L3MBTL3: variants seen among roughly 807,000 people sequenced by gnomAD.
The protein encoded by L3MBTL3 is lethal(3)malignant brain tumor-like protein 3.
Under a neutral mutation model 102.3 loss-of-function variants are expected in L3MBTL3, and 27 were observed. The ratio of observed to expected loss-of-function variants is 0.26; its 90% CI spans 0.19 to 0.36. The LOEUF is 0.36. Ranked by LOEUF, L3MBTL3 falls within the 10% of genes least tolerant of loss-of-function variation. The probability of loss-of-function intolerance (pLI) is 1.00; values close to 1 mark genes in which losing one functional copy is unlikely to be tolerated. For missense variants in L3MBTL3, 798 were observed against 955.3 expected (o/e 0.84, Z 2.17); for synonymous variants, 340 against 320.9 (o/e 1.06, Z -0.64).
chr6:130,023,527 A>G (rs180778708), intron 2 of L3MBTL3, among the ~76,000 whole-genome samples: 7 of 152,308 alleles, frequency 4.6e-5, no homozygotes, highest in Middle Eastern at 3.4e-3. Flanking sequence ...TGTGGATAGA[A>G]TGCTAGAATA....
At chr6:130,094,139 T>A in intron 17 of L3MBTL3, 126 bp from the exon 18 acceptor site, 1 of 558,964 alleles carries the variant, frequency 1.8e-6, no homozygotes, top group East Asian at 2.9e-5. Flanking sequence ...TCTGTTTATG[T>A]ATGTTGGTTA....
intron 19 of L3MBTL3, among the ~76,000 whole-genome samples, chr6:130,108,961 G>C (rs1167589463): frequency 6.6e-6 from 1 of 151,992 alleles, no homozygotes; most frequent in Non-Finnish European, 1.5e-5. Flanking sequence ...GTGGTGTTTG[G>C]TTTTCTGTTC....
At position 130,133,430 on chromosome 6, in the gene L3MBTL3, C is replaced by A; in HGVS notation, c.1967-22C>A. ...TCTTGCTGCTTTCAGAGAGTGATTT[C>A]CCATTTGTTTTCATTGACCAGGTGC... is the stretch of plus-strand genomic sequence containing the variant. On this transcript the variant is annotated intron_variant, in intron 20 of 22. Transcript: ENST00000361794. The surrounding 1 kb of genome is among the most constrained non-coding windows in gnomAD (Gnocchi z 4.9). 6.2e-7 allele frequency: 1 copy of A among 1,610,660 alleles called. No homozygotes were observed. Among genetic ancestry groups the A allele is most frequent in the Non-Finnish European group, 8.5e-7 (1 of 1,178,014 alleles).
At chr6:130,136,854 G>C (rs1293867200) in intron 22 of L3MBTL3, among the ~76,000 whole-genome samples, 1 of 152,140 alleles carries the variant, frequency 6.6e-6, no homozygotes, top group Non-Finnish European at 1.5e-5. Context: ...CTGACCTCAA[G>C]TGATCCACTG....
At chr6:130,074,119 A>C (rs1419689502) in intron 13 of L3MBTL3, among the ~76,000 whole-genome samples, 1 of 152,202 alleles carries the variant, frequency 6.6e-6, no homozygotes, top group Non-Finnish European at 1.5e-5. Context: ...TGCCTTTCCC[A>C]ATTTAAAATA....
chr6:130,114,550 CTTG>C (rs1747141761), intron 19 of L3MBTL3, among the ~76,000 whole-genome samples: 1 of 151,996 alleles, frequency 6.6e-6, no homozygotes, highest in South Asian at 2.1e-4. Flanking sequence ...AGGGTTTTTC[CTTG>C]TTATCTTGGT....
chr6:130,020,267 G>A (rs1228612691), intron 1 of L3MBTL3, among the ~76,000 whole-genome samples: 1 of 151,332 alleles, frequency 6.6e-6, no homozygotes, highest in Non-Finnish European at 1.5e-5. Context: ...GCGGGGGTGG[G>A]GATCGGGAAG....
intron 13 of L3MBTL3, among the ~76,000 whole-genome samples, chr6:130,072,636 C>T (rs1451591752): frequency 6.6e-6 from 1 of 152,194 alleles, no homozygotes; most frequent in Non-Finnish European, 1.5e-5. Context: ...CAACAATTAT[C>T]AACTTATATC....
At chr6:130,121,335 T>TC (rs1452955710) in intron 20 of L3MBTL3, among the ~76,000 whole-genome samples, 42 of 152,302 alleles carry the variant, frequency 2.8e-4, no homozygotes, top group African/African-American at 8.9e-4. Context: ...TACTTTTTTT[T>TC]CTGTTCCTGC....
At chr6:130,046,108 A>G (rs950196903) in intron 3 of L3MBTL3, among the ~76,000 whole-genome samples, 1 of 152,146 alleles carries the variant, frequency 6.6e-6, no homozygotes, top group Non-Finnish European at 1.5e-5. Context: ...ACTTCTAATG[A>G]TGTCTGAAAT....
intron 16 of L3MBTL3, among the ~76,000 whole-genome samples, chr6:130,091,156 G>T (rs1257659412): frequency 6.6e-6 from 1 of 152,008 alleles, no homozygotes; most frequent in Non-Finnish European, 1.5e-5. Flanking sequence ...GTCTTTTACT[G>T]CTTTTGAGTT....
chr6:130,032,937 G>C (rs1434270554), intron 2 of L3MBTL3, among the ~76,000 whole-genome samples: 1 of 152,202 alleles, frequency 6.6e-6, no homozygotes, highest in Non-Finnish European at 1.5e-5. Flanking sequence ...AGGCTGCCGT[G>C]ATCCATGATT....
chr6:130,025,079 T>G (rs1430656775), intron 2 of L3MBTL3, among the ~76,000 whole-genome samples: 2 of 152,162 alleles, frequency 1.3e-5, no homozygotes, highest in Non-Finnish European at 2.9e-5. Flanking sequence ...GGCGATTCTT[T>G]CTTTGACCAG....
intron 2 of L3MBTL3, among the ~76,000 whole-genome samples, chr6:130,038,609 T>G (rs1041205256): frequency 5.0e-5 from 7 of 139,294 alleles, no homozygotes; most frequent in African/African-American, 1.9e-4. Context: ...CATTTTCAAA[T>G]CAGATTATTT....
At chr6:130,077,623 A>G (rs1783038230) in intron 13 of L3MBTL3, among the ~76,000 whole-genome samples, 1 of 152,228 alleles carries the variant, frequency 6.6e-6, no homozygotes, top group Non-Finnish European at 1.5e-5. Flanking sequence ...CTGTGTGCTA[A>G]TCTCACCCAC....
Position 130,120,893 on chromosome 6 carries a change from A to C in L3MBTL3, c.1901A>C (p.Asp634Ala), listed in dbSNP as rs1786120498. ...SSPEIRDQHA[D>A]DVKEDFEERT... Reference sequence around the variant, plus strand: ...GTTTTTCTTAGAGACCAGCATGCTGATGATGTCAAAGAAGACTTTGAAGAG... The same window carrying C: ...GTTTTTCTTAGAGACCAGCATGCTGCTGATGTCAAAGAAGACTTTGAAGAG... Residue 634 changes from aspartate to alanine, a missense_variant, in exon 20 of 23, where the codon GAT (aspartate) becomes GCT (alanine). Around this residue, in one of 4 missense-constraint regions of L3MBTL3, gnomAD observed 306 missense variants for 314.4 expected, o/e 0.97. Coordinates refer to ENST00000361794, the MANE Select transcript of L3MBTL3 (RefSeq NM_032438.4). The C allele has an allele frequency of 6.2e-7, 1 of 1,611,286 alleles. No homozygotes were observed. The highest frequency in any genetic ancestry group is 8.5e-7 in the Non-Finnish European group (1 of 1,178,454).
intron 16 of L3MBTL3, among the ~76,000 whole-genome samples, chr6:130,089,536 T>C (rs891574923): frequency 6.6e-6 from 1 of 152,196 alleles, no homozygotes; most frequent in Admixed American, 6.5e-5. Context: ...TACATGTGCA[T>C]GTGTCTTTAT....
intron 9 of L3MBTL3, among the ~76,000 whole-genome samples, chr6:130,057,881 C>T (rs1229527240): frequency 6.6e-6 from 1 of 151,768 alleles, no homozygotes; most frequent in South Asian, 2.1e-4. Context: ...CGGTGGCTCA[C>T]GCCTGTAATC....
In L3MBTL3 at chr6:130,078,531, C is replaced by T. The variant is rs9375705; in HGVS notation, c.1245-27C>T. ...TTTTGTGAGTTTATCCTGATAATTG[C>T]AGTTTTTTAATTTGTGTAACTTTCA... On this transcript the variant is annotated intron_variant, in intron 13 of 22. Transcript: ENST00000361794. 4.6e-6 allele frequency: 7 copies of T among 1,512,370 alleles called. No homozygotes were observed. The East Asian group carries it at 1.4e-4, about 29-fold the overall frequency. 93.7% of individuals were successfully genotyped at this position (1,512,370 alleles called of 1,614,324 possible). A position where few individuals can be genotyped will look rare whatever the true frequency, so the allele number is the denominator to read the frequency against.
Sources: gnomAD v4.1 joint callset for allele counts (sites outside exome capture counted in the v4.1 genomes callset) on GRCh38, gnomAD v4.1.1 for gene constraint, gnomAD v4.1.1 regional missense constraint, Gnocchi (gnomAD v3.1) non-coding constraint, MANE v1.5 for transcripts, NCBI Gene and HGNC (gene_info 2026-07-23, HGNC 2026-07-21) for gene names.